The following CCBE1 variants were observed in gnomAD, a reference collection of about 807,000 sequenced individuals.
CCBE1 encodes collagen and calcium-binding EGF domain-containing protein 1.
CCBE1 carries 37 observed loss-of-function variants against 50.0 expected under a neutral mutation model. That is an observed-to-expected ratio of 0.74 (90% confidence interval 0.57 to 0.97). CCBE1 has a LOEUF of 0.97. CCBE1 is among the 50% of genes least tolerant of loss of function. The probability of loss-of-function intolerance (pLI) is 0.00; values close to 1 mark genes in which losing one functional copy is unlikely to be tolerated. For missense variants in CCBE1, 538 were observed against 523.8 expected, an observed-to-expected ratio of 1.03 and a Z score of -0.26; for synonymous variants, 234 against 203.7, an observed-to-expected ratio of 1.15 and a Z score of -1.27.
At chr18:59,682,006 G>C (rs2054595320) in intron 2 of CCBE1, among the ~76,000 whole-genome samples, 1 of 152,200 alleles carries the variant, frequency 6.6e-6, no homozygotes. Flanking sequence ...GAGGTTCGGC[G>C]AGAGCCAGAG....
intron 2 of CCBE1, among the ~76,000 whole-genome samples, chr18:59,520,392 T>G (rs1383136285): frequency 6.6e-6 from 1 of 152,234 alleles, no homozygotes; most frequent in Non-Finnish European, 1.5e-5. Context: ...TTTGCATCCC[T>G]TGGTCCGTCA....
intron 2 of CCBE1, among the ~76,000 whole-genome samples, chr18:59,492,406 T>A (rs1174722287): frequency 1.3e-5 from 2 of 152,060 alleles, no homozygotes; most frequent in African/African-American, 4.8e-5. Context: ...TAAGGTAACA[T>A]TTCCCAGCCT....
At chr18:59,646,605 G>A (rs890108411) in intron 2 of CCBE1, among the ~76,000 whole-genome samples, 17 of 152,182 alleles carry the variant, frequency 1.1e-4, no homozygotes, top group African/African-American at 2.4e-4. Flanking sequence ...ACAGAATTTC[G>A]TGTGTATGTG....
chr18:59,589,995 G>A (rs1027989866), intron 2 of CCBE1, among the ~76,000 whole-genome samples: 20 of 152,112 alleles, frequency 1.3e-4, no homozygotes, highest in South Asian at 2.1e-4. Flanking sequence ...TTGATTAAAA[G>A]ACACACACCG....
At chr18:59,536,832 G>C (rs1915268921) in intron 2 of CCBE1, among the ~76,000 whole-genome samples, 1 of 151,740 alleles carries the variant, frequency 6.6e-6, no homozygotes, top group South Asian at 2.1e-4. Flanking sequence ...TACTAAAAAT[G>C]CAAAAAAACA....
chr18:59,528,270 G>C (rs1914907466), intron 2 of CCBE1, among the ~76,000 whole-genome samples: 3 of 152,082 alleles, frequency 2.0e-5, no homozygotes, highest in African/African-American at 7.2e-5. Flanking sequence ...TGGTCTATTT[G>C]GCTACTGATA....
intron 3 of CCBE1, 151 bp downstream of exon 3, chr18:59,480,035 C>A: frequency 1.7e-6 from 1 of 605,090 alleles, no homozygotes; most frequent in East Asian, 2.9e-5. Flanking sequence ...AAATTGGCGT[C>A]AGAAAAATTT....
At chr18:59,495,172 T>C (rs1275773548) in intron 2 of CCBE1, among the ~76,000 whole-genome samples, 2 of 152,170 alleles carry the variant, frequency 1.3e-5, no homozygotes, top group African/African-American at 2.4e-5. Context: ...TGTTTCTTTT[T>C]TTCCCCTGAG....
At chr18:59,558,695 A>G (rs2052687783) in intron 2 of CCBE1, among the ~76,000 whole-genome samples, 1 of 152,182 alleles carries the variant, frequency 6.6e-6, no homozygotes, top group Non-Finnish European at 1.5e-5. Flanking sequence ...AAAGCTGTCC[A>G]TCTTGCAAAT....
intron 2 of CCBE1, among the ~76,000 whole-genome samples, chr18:59,595,319 C>T (rs772283683): frequency 4.6e-5 from 7 of 151,628 alleles, no homozygotes; most frequent in African/African-American, 7.3e-5. Flanking sequence ...GTCCCAGTGT[C>T]GGACAGATCA....
intron 2 of CCBE1, among the ~76,000 whole-genome samples, chr18:59,658,550 C>T (rs192838163): frequency 1.4e-3 from 201 of 144,216 alleles, no homozygotes; most frequent in African/African-American, 4.9e-3. Context: ...CCTGGGTGAC[C>T]GAGCAAGGCC....
intron 3 of CCBE1, among the ~76,000 whole-genome samples, chr18:59,479,085 G>A (rs531871042): frequency 6.6e-6 from 1 of 152,338 alleles, no homozygotes; most frequent in South Asian, 2.1e-4. Flanking sequence ...ATGAGATAAT[G>A]CAACAGAATT....
At chr18:59,556,999 G>T (rs976275273) in intron 2 of CCBE1, among the ~76,000 whole-genome samples, 4 of 152,140 alleles carry the variant, frequency 2.6e-5, no homozygotes, top group Non-Finnish European at 4.4e-5. Flanking sequence ...TTTGGAAGAT[G>T]ATATACAGCA....
At chr18:59,675,914 T>G (rs1003288677) in intron 2 of CCBE1, among the ~76,000 whole-genome samples, 1 of 152,128 alleles carries the variant, frequency 6.6e-6, no homozygotes, top group African/African-American at 2.4e-5. Flanking sequence ...GGTGCAATGT[T>G]AAAAATCAGT....
intron 2 of CCBE1, among the ~76,000 whole-genome samples, chr18:59,687,550 A>G (rs2054672682): frequency 6.6e-6 from 1 of 152,172 alleles, no homozygotes; most frequent in African/African-American, 2.4e-5. Flanking sequence ...TATTTCTTTT[A>G]GACTGTTCTC....
intron 2 of CCBE1, among the ~76,000 whole-genome samples, chr18:59,571,992 A>G (rs898532451): frequency 6.6e-6 from 1 of 152,244 alleles, no homozygotes; most frequent in Non-Finnish European, 1.5e-5. Flanking sequence ...AAATCCAAGA[A>G]CAGCCTACAT....
intron 2 of CCBE1, among the ~76,000 whole-genome samples, chr18:59,633,431 A>T (rs2053875938): frequency 6.6e-6 from 1 of 152,176 alleles, no homozygotes; most frequent in South Asian, 2.1e-4. Flanking sequence ...TCTGGTCCAA[A>T]TTCAGGCGTA....
chr18:59,588,990 G>C (rs977140255), intron 2 of CCBE1, among the ~76,000 whole-genome samples: 1 of 152,190 alleles, frequency 6.6e-6, no homozygotes, highest in African/African-American at 2.4e-5. Context: ...ACTTCCTGAC[G>C]GATGGCTTTC....
chr18:59,525,649 G>T (rs1914788110), intron 2 of CCBE1, among the ~76,000 whole-genome samples: 1 of 152,116 alleles, frequency 6.6e-6, no homozygotes, highest in African/African-American at 2.4e-5. Flanking sequence ...TGACATTTTT[G>T]TCATGAAATA....
Sources: allele counts gnomAD v4.1 joint callset (sites outside exome capture counted in the v4.1 genomes callset), GRCh38; gene constraint gnomAD v4.1.1; transcripts MANE v1.5; gene names NCBI Gene and HGNC (gene_info 2026-07-23, HGNC 2026-07-21).